The following ATRNL1 variants were observed in gnomAD, a reference collection of about 807,000 sequenced individuals.
ATRNL1 encodes the protein attractin-like protein 1.
ATRNL1 carries 95 observed loss-of-function variants against 182.7 expected under a neutral mutation model. The observed-to-expected ratio is 0.52, with a 90% CI of 0.44 to 0.62. The LOEUF is 0.62. Among genes scored for constraint, ATRNL1 ranks in the 20% least tolerant of loss-of-function variants. ATRNL1 has a pLI of 0.00. For missense variants in ATRNL1, 1,471 were observed against 1,679.5 expected (o/e 0.88, Z 2.17); for synonymous variants, 576 against 568.3 (o/e 1.01, Z -0.19).
chr10:115,736,676 G>T (rs1175814856), intron 27 of ATRNL1, among the ~76,000 whole-genome samples: 1 of 152,096 alleles, frequency 6.6e-6, no homozygotes, highest in Non-Finnish European at 1.5e-5. Flanking sequence ...GATTGCTTTT[G>T]CCAAAAACCA....
intron 26 of ATRNL1, among the ~76,000 whole-genome samples, chr10:115,678,463 C>T (rs180929188): frequency 3.7e-4 from 57 of 152,048 alleles, no homozygotes; most frequent in Admixed American, 1.1e-3. Flanking sequence ...AATTAAACTC[C>T]GAAGAAAAGT....
At chr10:115,565,527 C>T (rs1192556715) in intron 26 of ATRNL1, among the ~76,000 whole-genome samples, 8 of 151,938 alleles carry the variant, frequency 5.3e-5, no homozygotes, top group Non-Finnish European at 7.4e-5. Flanking sequence ...TACAGACTTA[C>T]GGCATTCAAG....
At chr10:115,556,552 C>A (rs1554997094) in intron 26 of ATRNL1, among the ~76,000 whole-genome samples, 1 of 152,080 alleles carries the variant, frequency 6.6e-6, no homozygotes, top group Non-Finnish European at 1.5e-5. Flanking sequence ...GATTTTAAAA[C>A]ACATTAGAGT....
At chr10:115,739,743 C>T (rs1555067124) in intron 27 of ATRNL1, among the ~76,000 whole-genome samples, 3 of 152,080 alleles carry the variant, frequency 2.0e-5, no homozygotes, top group South Asian at 2.1e-4. Context: ...TTTAGATTGT[C>T]GTGAAGCATT....
chr10:115,539,092 A>G (rs566613469), intron 25 of ATRNL1, among the ~76,000 whole-genome samples: 10 of 152,322 alleles, frequency 6.6e-5, no homozygotes, highest in Non-Finnish European at 1.5e-4. Flanking sequence ...AATTTGTCTA[A>G]TGATGCATTT....
intron 26 of ATRNL1, among the ~76,000 whole-genome samples, chr10:115,552,546 A>T (rs1448414521): frequency 1.3e-5 from 2 of 151,376 alleles, no homozygotes; most frequent in African/African-American, 4.8e-5. Flanking sequence ...AAATGAAAAT[A>T]ATCTTTGGAA....
At chr10:115,307,028 C>T (rs782516176) in intron 17 of ATRNL1, among the ~76,000 whole-genome samples, 2 of 152,170 alleles carry the variant, frequency 1.3e-5, no homozygotes, top group Non-Finnish European at 2.9e-5. Flanking sequence ...GCCATTGTCT[C>T]TCTTGTTTTT....
chr10:115,754,846 G>T (rs1037968802), intron 27 of ATRNL1, among the ~76,000 whole-genome samples: 1 of 152,052 alleles, frequency 6.6e-6, no homozygotes, highest in East Asian at 1.9e-4. Context: ...TTATTTCCTT[G>T]AGCAGTGGTT....
intron 27 of ATRNL1, among the ~76,000 whole-genome samples, chr10:115,736,874 TCTC>T (rs1344538060): frequency 6.6e-6 from 1 of 152,100 alleles, no homozygotes; most frequent in Non-Finnish European, 1.5e-5. Context: ...TTCAGGTGAT[TCTC>T]CTGCCTCAGC....
rs369461649 is a variant in ATRNL1 at position 115,127,739 on chromosome 10, A to C, written c.620+18A>C. 62 of 1,373,040 alleles carry C rather than the reference A, an allele frequency of 4.5e-5. No homozygotes were observed. The African/African-American group carries it at 8.3e-4, about 18-fold the overall frequency. The allele number at this position is 1,373,040 out of a possible 1,614,324, so 85.1% of individuals were successfully genotyped here. A position where few individuals can be genotyped will look rare whatever the true frequency, so the allele number is the denominator to read the frequency against. ...TTCTATTCGTAAGTATTTTTTAAAA[A>C]TTCCTTCTTTTAATGATTCTTGTAA... On this transcript the variant is annotated intron_variant, in intron 4 of 28. Coordinates refer to ENST00000355044, the MANE Select transcript of ATRNL1 (RefSeq NM_207303.4).
rs145734195 is a variant in ATRNL1, at chr10:115,866,468, C to A, written c.4018+18477C>A. 4.4e-3 allele frequency among the ~76,000 whole-genome samples: 669 copies of A among 152,248 alleles called. 10 individuals carry two copies. The highest frequency in any genetic ancestry group is 0.015 in the African/African-American group (634 of 41,542). ...ATTTTCTTATGTTTTCTCATTTAAT[C>A]TTGCAGTAACTCTGTAAGGTAGATA... On this transcript the variant is annotated intron_variant, in intron 28 of 28. Coordinates refer to ENST00000355044, the MANE Select transcript of ATRNL1 (RefSeq NM_207303.4).
At chr10:115,612,142 C>T (rs1226619992) in intron 26 of ATRNL1, among the ~76,000 whole-genome samples, 2 of 152,014 alleles carry the variant, frequency 1.3e-5, no homozygotes, top group Non-Finnish European at 2.9e-5. Flanking sequence ...ATCCCAGCTA[C>T]TTGGGAGGCT....
intron 8 of ATRNL1, among the ~76,000 whole-genome samples, chr10:115,179,103 CTT>C (rs1244723599): frequency 1.3e-5 from 2 of 152,020 alleles, no homozygotes; most frequent in African/African-American, 2.4e-5. Flanking sequence ...TGTTTCTTGA[CTT>C]TGTTTTTAGT....
At chr10:115,939,483 A>G (rs1403757570) in intron 28 of ATRNL1, among the ~76,000 whole-genome samples, 1 of 152,214 alleles carries the variant, frequency 6.6e-6, no homozygotes, top group African/African-American at 2.4e-5. Context: ...TATAATAACT[A>G]TTGAAACCCC....
intron 5 of ATRNL1, among the ~76,000 whole-genome samples, chr10:115,133,444 A>G (rs1406248651): frequency 3.4e-4 from 51 of 152,076 alleles, no homozygotes; most frequent in Admixed American, 3.3e-3. Flanking sequence ...ATCAAAAGAG[A>G]TAAAGAAGGC....
At chr10:115,685,186 A>G (rs1255865731) in intron 26 of ATRNL1, among the ~76,000 whole-genome samples, 1 of 151,808 alleles carries the variant, frequency 6.6e-6, no homozygotes, top group African/African-American at 2.4e-5. Flanking sequence ...CTTCCACAAA[A>G]TTATTATAAC....
intron 19 of ATRNL1, among the ~76,000 whole-genome samples, chr10:115,340,530 T>C (rs1407740190): frequency 6.8e-6 from 1 of 146,766 alleles, no homozygotes; most frequent in Non-Finnish European, 1.5e-5. Context: ...ATCAGGGTAA[T>C]ATTGGCCTTG....
chr10:115,774,503 C>T (rs565038548), intron 27 of ATRNL1, among the ~76,000 whole-genome samples: 83 of 150,772 alleles, frequency 5.5e-4, no homozygotes, highest in Middle Eastern at 3.5e-3. Flanking sequence ...GCTCTGAGGG[C>T]CCAGATAATA....
intron 28 of ATRNL1, among the ~76,000 whole-genome samples, chr10:115,926,634 C>G (rs1565493593): frequency 6.6e-6 from 1 of 152,130 alleles, no homozygotes; most frequent in Non-Finnish European, 1.5e-5. Flanking sequence ...ATAAACACCT[C>G]TATGCAAATA....
Sources: allele counts gnomAD v4.1 joint callset (sites outside exome capture counted in the v4.1 genomes callset), GRCh38; gene constraint gnomAD v4.1.1; transcripts MANE v1.5; gene names NCBI Gene and HGNC (gene_info 2026-07-23, HGNC 2026-07-21).